The following DNAH9 variants were observed in gnomAD, a reference collection of about 807,000 sequenced individuals.
DNAH9 encodes the protein DNAH9 variant protein.
A neutral mutation model predicts 471.6 loss-of-function variants in DNAH9; 345 were observed. The observed-to-expected ratio is 0.73, with a 90% CI of 0.67 to 0.80. The LOEUF (loss-of-function observed/expected upper bound fraction) is 0.80, where lower values mean the gene tolerates loss of function less well. DNAH9 is among the 30% of genes least tolerant of loss of function. The pLI, the probability that DNAH9 is intolerant of heterozygous loss-of-function variation, is 0.00. For synonymous variants in DNAH9, 2,093 were observed against 2,123.6 expected (o/e 0.99, Z 0.40); for missense variants, 5,407 against 5,609.2 (o/e 0.96, Z 1.15).
intron 22 of DNAH9, among the ~76,000 whole-genome samples, chr17:11,696,497 A>G (rs1483951978): frequency 1.3e-5 from 2 of 152,136 alleles, no homozygotes; most frequent in Admixed American, 6.6e-5. Context: ...AAGGGTGGAT[A>G]CATATGTAGT....
intron 56 of DNAH9, among the ~76,000 whole-genome samples, chr17:11,884,790 T>G (rs982808531): frequency 6.6e-6 from 1 of 152,126 alleles, no homozygotes; most frequent in African/African-American, 2.4e-5. Flanking sequence ...CATGAGAGTT[T>G]GTAAAGTAAT....
At chr17:11,818,188 T>C (rs1427118724) in intron 45 of DNAH9, among the ~76,000 whole-genome samples, 2 of 152,192 alleles carry the variant, frequency 1.3e-5, no homozygotes, top group Non-Finnish European at 2.9e-5. Flanking sequence ...CCCAGCACTT[T>C]GGGAGGCCGA....
At chr17:11,613,943 T>C (rs901617856) in intron 4 of DNAH9, among the ~76,000 whole-genome samples, 4 of 152,212 alleles carry the variant, frequency 2.6e-5, no homozygotes, top group African/African-American at 9.7e-5. Context: ...AATTAATAGT[T>C]ATAAGATTCA....
chr17:11,742,848 A>G (rs547217539), intron 30 of DNAH9, among the ~76,000 whole-genome samples: 1 of 152,202 alleles, frequency 6.6e-6, no homozygotes, highest in Non-Finnish European at 1.5e-5. Context: ...GGCTGTCCCC[A>G]ATGAGCTTTG....
In DNAH9 at chr17:11,903,080, C is replaced by T. The variant is rs191530419; in HGVS notation, c.11600+168C>T. ...AACAGGCCAGGCGCGGTGGCTCACG[C>T]CTGTAATCCCAGCACTTCGGGAGGC... On this transcript the variant is annotated intron_variant, in intron 60 of 68. Transcript: ENST00000262442. Among the ~76,000 whole-genome samples, 615 of 152,346 alleles carry T rather than the reference C, an allele frequency of 4.0e-3. 7 individuals carry two copies. Among genetic ancestry groups the T allele is most frequent in the South Asian group, 0.022 (105 of 4,824 alleles).
At chr17:11,670,578 G>C (rs1156503152) in intron 17 of DNAH9, among the ~76,000 whole-genome samples, 1 of 152,220 alleles carries the variant, frequency 6.6e-6, no homozygotes, top group Non-Finnish European at 1.5e-5. Flanking sequence ...CTTGCTCCCT[G>C]ATCTGGAGCC....
chr17:11,824,734 G>A (rs1385849310), intron 48 of DNAH9, among the ~76,000 whole-genome samples: 7 of 151,140 alleles, frequency 4.6e-5, no homozygotes, highest in Non-Finnish European at 8.8e-5. Flanking sequence ...TTCTTTTTTC[G>A]GTGCATCCTA....
chr17:11,961,040 C>T (rs62062035), intron 67 of DNAH9, among the ~76,000 whole-genome samples: 14 of 151,894 alleles, frequency 9.2e-5, no homozygotes, highest in East Asian at 3.9e-4. Context: ...TCAGGCCGGG[C>T]GCGGTGGCTC....
chr17:11,922,199 T>C (rs1974159359), intron 61 of DNAH9, among the ~76,000 whole-genome samples: 2 of 152,244 alleles, frequency 1.3e-5, no homozygotes, highest in Non-Finnish European at 2.9e-5. Flanking sequence ...ATACATTGTT[T>C]ATATTTAAAA....
At chr17:11,713,635 A>G (rs77731460) in intron 26 of DNAH9, among the ~76,000 whole-genome samples, 2,716 of 150,396 alleles carry the variant, frequency 0.018, 74 homozygotes, top group African/African-American at 0.062. Context: ...TTTATGGACC[A>G]TGCATTTGGT....
intron 24 of DNAH9, 143 bp downstream of exon 24, chr17:11,701,390 G>T: frequency 6.9e-6 from 6 of 868,436 alleles, no homozygotes; most frequent in East Asian, 2.5e-5. Flanking sequence ...CACTGTGAGG[G>T]GTCAGCAGGT....
At chr17:11,603,637 A>G (rs1373200144) in intron 1 of DNAH9, among the ~76,000 whole-genome samples, 4 of 152,232 alleles carry the variant, frequency 2.6e-5, no homozygotes, top group African/African-American at 9.6e-5. Flanking sequence ...GATAATTCTC[A>G]TCAAGCAAAA....
At chr17:11,630,087 A>G (rs1389946843) in intron 7 of DNAH9, 1 of 153,526 alleles carries the variant, frequency 6.5e-6, no homozygotes, top group Admixed American at 6.4e-5. Flanking sequence ...TCAGTTATGC[A>G]TGATAAATAA....
intron 2 of DNAH9, among the ~76,000 whole-genome samples, chr17:11,609,839 A>G (rs903450207): frequency 1.3e-5 from 2 of 152,226 alleles, no homozygotes; most frequent in African/African-American, 4.8e-5. Flanking sequence ...CAGGTGGCTG[A>G]TTATTAGCCT....
At chr17:11,827,218 G>T (rs1441467937) in intron 48 of DNAH9, among the ~76,000 whole-genome samples, 1 of 152,110 alleles carries the variant, frequency 6.6e-6, no homozygotes, top group Non-Finnish European at 1.5e-5. Context: ...ACTACCTCTT[G>T]CATCACCCAC....
At chr17:11,955,317 T>C (rs1975581937) in intron 67 of DNAH9, among the ~76,000 whole-genome samples, 1 of 152,172 alleles carries the variant, frequency 6.6e-6, no homozygotes, top group African/African-American at 2.4e-5. Context: ...AATATTTATT[T>C]ACTATTTGAC....
intron 48 of DNAH9, among the ~76,000 whole-genome samples, chr17:11,826,467 T>C (rs1217502109): frequency 2.2e-5 from 3 of 135,822 alleles, no homozygotes. Context: ...TTTTTTTTTT[T>C]TTTTTTTTTT....
chr17:11,930,765 C>CAAAAAAAAGAAAAAAAAAAAAA (rs1974481417), intron 63 of DNAH9, among the ~76,000 whole-genome samples: 1 of 125,218 alleles, frequency 8.0e-6, no homozygotes, highest in African/African-American at 3.2e-5. Context: ...ACTCCATCTC[C>CAAAAAAAAGAAAAAAAAAAAAA]AAAAAAAAAA....
chr17:11,857,060 A>C (rs960721536), intron 50 of DNAH9, among the ~76,000 whole-genome samples: 5 of 152,092 alleles, frequency 3.3e-5, no homozygotes, highest in African/African-American at 1.2e-4. Context: ...AGATCTCCCG[A>C]TAATTTTTAT....
Sources: gnomAD v4.1 joint callset for allele counts (sites outside exome capture counted in the v4.1 genomes callset) on GRCh38, gnomAD v4.1.1 for gene constraint, MANE v1.5 for transcripts, NCBI Gene and HGNC (gene_info 2026-07-23, HGNC 2026-07-21) for gene names.